UIMC1: variants seen among roughly 807,000 people sequenced by gnomAD.
UIMC1 encodes BRCA1-A complex subunit RAP80.
Under a neutral mutation model 84.9 loss-of-function variants are expected in UIMC1, and 42 were observed. That is an observed-to-expected ratio of 0.49 (90% CI 0.39 to 0.64). UIMC1 has a LOEUF of 0.64. Among genes scored for constraint, UIMC1 ranks in the 30% least tolerant of loss-of-function variants. UIMC1 has a pLI of 0.00. For missense variants in UIMC1, 825 were observed against 847.6 expected (o/e 0.97, Z 0.33); for synonymous variants, 281 against 293.0 (o/e 0.96, Z 0.42).
intron 13 of UIMC1, 47 bp downstream of exon 13, chr5:176,907,067 G>A (rs889334952): frequency 1.9e-6 from 3 of 1,592,786 alleles, no homozygotes; most frequent in Admixed American, 1.7e-5. Flanking sequence ...TATCTTCACT[G>A]AAAGGCCTTA....
intron 1 of UIMC1, among the ~76,000 whole-genome samples, chr5:177,017,840 T>G (rs1427009156): frequency 1.3e-5 from 2 of 151,622 alleles, no homozygotes; most frequent in Non-Finnish European, 1.5e-5. Context: ...TTTGTAGAGA[T>G]AGGGTCTTGC....
intron 10 of UIMC1, among the ~76,000 whole-genome samples, chr5:176,938,840 C>T (rs1764051077): frequency 6.6e-6 from 1 of 152,026 alleles, no homozygotes; most frequent in Non-Finnish European, 1.5e-5. Context: ...CTTGTGTCAT[C>T]TTTTAATTAA....
At chr5:176,921,926 C>A (rs1033191562) in intron 10 of UIMC1, among the ~76,000 whole-genome samples, 1 of 152,154 alleles carries the variant, frequency 6.6e-6, no homozygotes, top group Non-Finnish European at 1.5e-5. Context: ...CTGTTTATTT[C>A]TTCTCTCCTT....
intron 4 of UIMC1, chr5:176,970,461 A>G (rs977388261): frequency 1.6e-5 from 7 of 433,378 alleles, no homozygotes; most frequent in African/African-American, 1.2e-4. Flanking sequence ...CTTGGTATTC[A>G]GTAAGTCTTT....
intron 6 of UIMC1, among the ~76,000 whole-genome samples, chr5:176,966,880 A>G (rs918830397): frequency 2.0e-5 from 3 of 152,260 alleles, no homozygotes; most frequent in Non-Finnish European, 4.4e-5. Context: ...AAAAATGATC[A>G]TAAGATCTAA....
intron 10 of UIMC1, among the ~76,000 whole-genome samples, chr5:176,916,134 T>C (rs1760954250): frequency 6.6e-6 from 1 of 152,250 alleles, no homozygotes. Context: ...GAAGGAGTAC[T>C]TGTGGTTTAT....
chr5:176,914,042 C>CATACT (rs1760640762), intron 10 of UIMC1, among the ~76,000 whole-genome samples: 1 of 146,454 alleles, frequency 6.8e-6, no homozygotes, highest in Non-Finnish European at 1.5e-5. Context: ...TACCATACAC[C>CATACT]ATACCATACC....
chr5:176,914,680 A>C (rs980199853), intron 10 of UIMC1, among the ~76,000 whole-genome samples: 1 of 152,258 alleles, frequency 6.6e-6, no homozygotes, highest in Non-Finnish European at 1.5e-5. Context: ...AGACTGGAAG[A>C]GGAAGGAGGC....
At chr5:176,905,933 C>A (rs1161227048) in intron 14 of UIMC1, 78 bp downstream of exon 14, 1 of 1,480,618 alleles carries the variant, frequency 6.8e-7, no homozygotes, top group African/African-American at 1.4e-5. Context: ...GAGTATCACA[C>A]TACACACAGA....
chr5:176,977,635 C>T (rs1297364683), intron 2 of UIMC1, among the ~76,000 whole-genome samples: 3 of 148,374 alleles, frequency 2.0e-5, no homozygotes, highest in Admixed American at 6.7e-5. Context: ...AAAGGCCAGG[C>T]GCAGTGGCTC....
intron 8 of UIMC1, among the ~76,000 whole-genome samples, chr5:176,952,656 G>A (rs1766035540): frequency 6.6e-6 from 1 of 152,104 alleles, no homozygotes; most frequent in South Asian, 2.1e-4. Flanking sequence ...GTTTGGCTGG[G>A]CACAGTCACT....
intron 1 of UIMC1, among the ~76,000 whole-genome samples, chr5:177,013,477 G>A (rs1775604380): frequency 6.6e-6 from 1 of 151,886 alleles, no homozygotes; most frequent in Non-Finnish European, 1.5e-5. Flanking sequence ...CCCTAATCCG[G>A]TGGTCAATTT....
At chr5:176,923,900 GACACACACACAC>G (rs35583665) in intron 10 of UIMC1, among the ~76,000 whole-genome samples, 1 of 145,584 alleles carries the variant, frequency 6.9e-6, no homozygotes, top group African/African-American at 2.5e-5. Context: ...CACACACACA[GACACACACACAC>G]ACACACACAC....
intron 10 of UIMC1, among the ~76,000 whole-genome samples, chr5:176,934,995 G>GT (rs1561773917): frequency 6.6e-6 from 1 of 152,048 alleles, no homozygotes; most frequent in African/African-American, 2.4e-5. Context: ...CATTAACTTG[G>GT]TTTTTTTGCT....
chr5:176,942,741 G>A (rs1286864694), intron 10 of UIMC1, among the ~76,000 whole-genome samples: 9 of 109,574 alleles, frequency 8.2e-5, no homozygotes, highest in African/African-American at 2.2e-4. Flanking sequence ...GCGAGACTCC[G>A]TCTTAAAAAA....
chr5:176,927,565 A>T (rs1029691334), intron 10 of UIMC1, among the ~76,000 whole-genome samples: 8 of 152,072 alleles, frequency 5.3e-5, no homozygotes, highest in Non-Finnish European at 1.2e-4. Context: ...AATTTCAATT[A>T]AAAAAAGAGA....
In UIMC1 at chr5:176,959,440, G is replaced by A. The variant is rs150760221; in HGVS notation, c.1201-1286C>T. Among the ~76,000 whole-genome samples, 538 of 152,268 alleles carry A rather than the reference G, an allele frequency of 3.5e-3. 5 individuals are homozygous for A. Among genetic ancestry groups the A allele is most frequent in the African/African-American group, 0.013 (523 of 41,548 alleles). On this transcript the variant is annotated intron_variant, in intron 6 of 14. Coordinates refer to ENST00000511320, the MANE Select transcript of UIMC1 (RefSeq NM_001199298.2). ...AATTGTTTAAAAAAATTATTGGCCGGGCGCGGTGGCTCACGCCTGTAATCC... is the reference window on the plus strand; with the variant it reads ...AATTGTTTAAAAAAATTATTGGCCGAGCGCGGTGGCTCACGCCTGTAATCC...
chr5:176,944,580 A>C (rs1764851879), intron 9 of UIMC1, among the ~76,000 whole-genome samples: 1 of 152,230 alleles, frequency 6.6e-6, no homozygotes, highest in Non-Finnish European at 1.5e-5. Flanking sequence ...ATTACACCTT[A>C]CTACATGAGG....
intron 9 of UIMC1, among the ~76,000 whole-genome samples, chr5:176,945,088 GGC>G (rs959064105): frequency 2.0e-5 from 3 of 152,196 alleles, no homozygotes; most frequent in African/African-American, 7.2e-5. Flanking sequence ...ATCATGTTGT[GGC>G]AGAAATAAAA....
Sources: allele counts gnomAD v4.1 joint callset (sites outside exome capture counted in the v4.1 genomes callset), GRCh38; gene constraint gnomAD v4.1.1; transcripts MANE v1.5; gene names NCBI Gene and HGNC (gene_info 2026-07-23, HGNC 2026-07-21).